MARK3: variants seen among roughly 807,000 people sequenced by gnomAD.
MARK3 encodes microtubule affinity regulating kinase 3, also known as MAP/microtubule affinity-regulating kinase 3.
MARK3 carries 46 observed loss-of-function variants against 90.1 expected under a neutral mutation model. That is an observed-to-expected ratio of 0.51 (90% CI 0.40 to 0.65). MARK3 has a LOEUF of 0.65. Among genes scored for constraint, MARK3 ranks in the 30% least tolerant of loss-of-function variants. The probability of loss-of-function intolerance (pLI) is 0.00; values close to 1 mark genes in which losing one functional copy is unlikely to be tolerated. For synonymous variants in MARK3, 321 were observed against 332.6 expected (o/e 0.97, Z 0.38); for missense variants, 818 against 947.2 (o/e 0.86, Z 1.79).
chr14:103,465,471 A>G, intron 7 of MARK3, 86 bp from the exon 8 acceptor site: 2 of 889,800 alleles, frequency 2.2e-6, no homozygotes, highest in Non-Finnish European at 3.7e-6. Context: ...ATCATTACAG[A>G]AAGCTTTTCT....
intron 1 of MARK3, among the ~76,000 whole-genome samples, chr14:103,401,221 A>G (rs546543953): frequency 6.6e-6 from 1 of 152,318 alleles, no homozygotes; most frequent in African/African-American, 2.4e-5. Flanking sequence ...ACTTTTAAAA[A>G]GTTAATTCTT....
chr14:103,393,231 C>G (rs1385258296), intron 1 of MARK3, among the ~76,000 whole-genome samples: 2 of 152,140 alleles, frequency 1.3e-5, no homozygotes, highest in Admixed American at 6.5e-5. Context: ...CCTCCCACTT[C>G]CCTCCTCGGC....
chr14:103,428,526 T>A, intron 3 of MARK3, 86 bp downstream of exon 3: 1 of 717,344 alleles, frequency 1.4e-6, no homozygotes, highest in Non-Finnish European at 2.3e-6. Flanking sequence ...CCCCAACTGT[T>A]ATTTTATGTT....
chr14:103,462,315 A>G lies in MARK3; in HGVS notation c.484-90A>G, dbSNP rs540988355. On this transcript the variant is annotated intron_variant, in intron 6 of 17. Transcript: ENST00000429436. ...ACGGACATTCGAGCGTATACTGAGT[A>G]TTCATTATGTGTGAACATTAACAAA... 14 of 888,704 alleles carry G rather than the reference A, an allele frequency of 1.6e-5. No homozygotes were observed. In the African/African-American group the frequency reaches 2.3e-4, roughly 14 times the overall value. The allele number at this position is 888,704 out of a possible 1,614,324, so 55.1% of individuals were successfully genotyped here.
intron 12 of MARK3, among the ~76,000 whole-genome samples, chr14:103,471,868 G>A (rs1017674135): frequency 2.6e-5 from 4 of 152,052 alleles, no homozygotes; most frequent in Non-Finnish European, 5.9e-5. Context: ...AATTAATTTG[G>A]ATCAATTTCT....
chr14:103,449,363 G>A (rs1462002230), intron 4 of MARK3, among the ~76,000 whole-genome samples: 2 of 145,290 alleles, frequency 1.4e-5, no homozygotes, highest in African/African-American at 2.6e-5. Context: ...ATTGCTGGAG[G>A]TCAGGAGCTC....
At chr14:103,411,543 A>G (rs908295305) in intron 2 of MARK3, among the ~76,000 whole-genome samples, 2 of 151,986 alleles carry the variant, frequency 1.3e-5, no homozygotes, top group East Asian at 3.9e-4. Context: ...TCCTATACCC[A>G]TACTGTGGTG....
rs80170234 is a variant in MARK3, at chr14:103,497,379, C to A, written c.1845-1123C>A. On this transcript the variant is annotated intron_variant, in intron 15 of 17. Transcript: ENST00000429436. ...CTGCCTGCTATGTACAGTTACAGAACTGGACTTTACAAATAGAAATTAACA... is the reference window on the plus strand; with the variant it reads ...CTGCCTGCTATGTACAGTTACAGAAATGGACTTTACAAATAGAAATTAACA... 2.4e-4 allele frequency among the ~76,000 whole-genome samples: 36 copies of A among 152,340 alleles called. No individual in the cohort carries two copies. The East Asian group carries it at 6.9e-3, about 29-fold the overall frequency.
chr14:103,410,249 C>G (rs149078886), intron 2 of MARK3, among the ~76,000 whole-genome samples: 128 of 152,178 alleles, frequency 8.4e-4, no homozygotes, highest in African/African-American at 3.0e-3. Context: ...CTTCTTGATA[C>G]ATGAAGGGCG....
chr14:103,475,030 A>T lies in MARK3; in HGVS notation c.1302A>T (p.Lys434Asn), dbSNP rs1376331984. 1 of 1,614,060 alleles carries T rather than the reference A, an allele frequency of 6.2e-7. No homozygotes were observed. Among genetic ancestry groups the T allele is most frequent in the Non-Finnish European group, 8.5e-7 (1 of 1,179,992 alleles). ...TTCCTTCTGTTGTGGCGTATCCGAA[A>T]AGGAGTCAGACCAGCACTGCAGATA... is the stretch of plus-strand genomic sequence containing the variant. ...PAIPSVVAYP[K>N]RSQTSTADSD... is the part of the protein sequence containing the mutation. Residue 434 changes from lysine to asparagine, a missense_variant, in exon 13 of 18, where the codon AAA (lysine) becomes AAT (asparagine). By Grantham distance (94) the Lys-to-Asn change is moderately conservative. This residue lies in a region of MARK3 where 560 missense variants were observed against 613.5 expected (regional missense o/e 0.91). Transcript: ENST00000429436.
Position 103,462,482 on chromosome 14 carries a change from C to T in MARK3, c.540+21C>T, listed in dbSNP as rs10145934. The T allele has an allele frequency of 5.4e-3, 8,480 of 1,583,466 alleles. 411 individuals are homozygous for T. The African/African-American group carries it at 0.1, about 19-fold the overall frequency. On this transcript the variant is annotated intron_variant, in intron 7 of 17. Transcript: ENST00000429436. ...TCAAGGTGAGTAGAAGTGCCTCACTCAGTGTATGCTCTGTCTGTTTGTGTG... is the reference window on the plus strand; with the variant it reads ...TCAAGGTGAGTAGAAGTGCCTCACTTAGTGTATGCTCTGTCTGTTTGTGTG...
At chr14:103,464,079 T>G (rs1490935044) in intron 7 of MARK3, among the ~76,000 whole-genome samples, 1 of 152,192 alleles carries the variant, frequency 6.6e-6, no homozygotes, top group Non-Finnish European at 1.5e-5. Flanking sequence ...CACCTTTCAG[T>G]GCCAACCCAC....
intron 15 of MARK3, among the ~76,000 whole-genome samples, chr14:103,496,919 G>A (rs2075377783): frequency 6.6e-6 from 1 of 151,888 alleles, no homozygotes. Flanking sequence ...GTGCATGCCT[G>A]TAGTCCCAGC....
chr14:103,406,358 G>A (rs923638432), intron 2 of MARK3, among the ~76,000 whole-genome samples: 1 of 151,662 alleles, frequency 6.6e-6, no homozygotes, highest in Non-Finnish European at 1.5e-5. Flanking sequence ...CTGAGTAGCT[G>A]AGATTACAGG....
chr14:103,493,081 A>G (rs899138459), intron 15 of MARK3, among the ~76,000 whole-genome samples: 1 of 152,138 alleles, frequency 6.6e-6, no homozygotes, highest in Non-Finnish European at 1.5e-5. Context: ...GTTTTTCTGC[A>G]TTCCCTATGG....
intron 2 of MARK3, among the ~76,000 whole-genome samples, chr14:103,406,581 T>C (rs986637124): frequency 6.6e-6 from 1 of 151,444 alleles, no homozygotes; most frequent in Non-Finnish European, 1.5e-5. Context: ...ATTAGGTGTC[T>C]GGGAGTTTTT....
At chr14:103,403,326 T>TTGTGTGTGTGTGTGTGTG (rs59913493) in intron 1 of MARK3, among the ~76,000 whole-genome samples, 1 of 138,460 alleles carries the variant, frequency 7.2e-6, no homozygotes, top group Non-Finnish European at 1.6e-5. Flanking sequence ...TAGTGCCTGG[T>TTGTGTGTGTGTGTGTGTG]TGTGTGTGTG....
At chr14:103,495,503 G>A (rs2075292400) in intron 15 of MARK3, among the ~76,000 whole-genome samples, 1 of 151,600 alleles carries the variant, frequency 6.6e-6, no homozygotes, top group African/African-American at 2.4e-5. Flanking sequence ...GTATCAGGCT[G>A]AGCCAGGTCT....
chr14:103,454,357 A>C (rs1007271325), intron 5 of MARK3, among the ~76,000 whole-genome samples: 1 of 151,918 alleles, frequency 6.6e-6, no homozygotes, highest in Non-Finnish European at 1.5e-5. Flanking sequence ...GGTTCAAGCA[A>C]TTCTCCTGCC....
Sources: gnomAD v4.1 joint callset for allele counts (sites outside exome capture counted in the v4.1 genomes callset) on GRCh38, gnomAD v4.1.1 for gene constraint, gnomAD v4.1.1 regional missense constraint, MANE v1.5 for transcripts, NCBI Gene and HGNC (gene_info 2026-07-23, HGNC 2026-07-21) for gene names.